Variants in ZNF804B observed in about 807,000 individuals in gnomAD.
The protein encoded by ZNF804B is zinc finger protein 804B, also known as zinc finger 804B.
Under a neutral mutation model 101.4 loss-of-function variants are expected in ZNF804B, and 80 were observed. The ratio of observed to expected loss-of-function variants is 0.79; its 90% CI spans 0.66 to 0.95. The LOEUF is 0.95. ZNF804B is among the 40% of genes least tolerant of loss of function. The pLI is 0.00. For synonymous variants in ZNF804B, 622 were observed against 558.8 expected (o/e 1.11, Z -1.59); for missense variants, 1,673 against 1,561.9 (o/e 1.07, Z -1.20).
intron 3 of ZNF804B, among the ~76,000 whole-genome samples, chr7:89,329,739 A>T (rs543486808): frequency 3.0e-4 from 45 of 151,710 alleles, no homozygotes; most frequent in African/African-American, 1.1e-3. Context: ...GTTTTAGTAC[A>T]TCTTAATATG....
At chr7:89,060,707 TA>T (rs1323884687) in intron 1 of ZNF804B, among the ~76,000 whole-genome samples, 1 of 152,146 alleles carries the variant, frequency 6.6e-6, no homozygotes, top group Non-Finnish European at 1.5e-5. Flanking sequence ...TACTGAGATA[TA>T]TATTGTACGA....
intron 1 of ZNF804B, among the ~76,000 whole-genome samples, chr7:88,786,090 G>C (rs2115671771): frequency 6.6e-6 from 1 of 152,238 alleles, no homozygotes; most frequent in Admixed American, 6.5e-5. Context: ...CAAAGTGCCT[G>C]ACACTGTTTT....
chr7:89,045,035 GC>G (rs967652450), intron 1 of ZNF804B, among the ~76,000 whole-genome samples: 38 of 152,278 alleles, frequency 2.5e-4, no homozygotes, highest in African/African-American at 7.9e-4. Flanking sequence ...GGACCTAGGG[GC>G]CCCCTGCTCT....
intron 1 of ZNF804B, among the ~76,000 whole-genome samples, chr7:89,065,022 C>T (rs556622581): frequency 6.6e-6 from 1 of 152,184 alleles, no homozygotes; most frequent in African/African-American, 2.4e-5. Context: ...TAAAATATCA[C>T]TGGAAACAGT....
At chr7:88,854,527 T>TTCCCTTCCCTTCC (rs1554340248) in intron 1 of ZNF804B, among the ~76,000 whole-genome samples, 1 of 40,076 alleles carries the variant, frequency 2.5e-5, no homozygotes, top group South Asian at 1.1e-3. Context: ...CTTTCCTTCC[T>TTCCCTTCCCTTCC]TTCCTTCCTT....
intron 1 of ZNF804B, among the ~76,000 whole-genome samples, chr7:88,995,562 C>A (rs1341642044): frequency 6.6e-6 from 1 of 151,954 alleles, no homozygotes; most frequent in Non-Finnish European, 1.5e-5. Flanking sequence ...AAATCCCAAG[C>A]ATTCTCACCT....
In ZNF804B at chr7:89,192,578, TA is replaced by T. The variant is rs766900096; in HGVS notation, c.109-25576del. On this transcript the variant is annotated intron_variant, in intron 1 of 3. Coordinates refer to ENST00000333190, the MANE Select transcript of ZNF804B (RefSeq NM_181646.5). Reference sequence around the variant, plus strand: ...TTATTGTTTTTGAAACTACCAGATGTATATTACCATTACCATTTATACTGAA... The same window carrying T: ...TTATTGTTTTTGAAACTACCAGATGTTATTACCATTACCATTTATACTGAA... Among the ~76,000 whole-genome samples, 103 of 152,126 alleles carry T rather than the reference TA, an allele frequency of 6.8e-4. 1 individual carries two copies. The highest frequency in any genetic ancestry group is 4.5e-3 in the Admixed American group (68 of 15,246).
At chr7:89,192,315 C>T (rs901693291) in intron 1 of ZNF804B, among the ~76,000 whole-genome samples, 3 of 151,896 alleles carry the variant, frequency 2.0e-5, no homozygotes, top group African/African-American at 7.3e-5. Flanking sequence ...CCTTCCACCC[C>T]TCCCTGAGTT....
chr7:89,159,767 A>T (rs1406023870), intron 1 of ZNF804B, among the ~76,000 whole-genome samples: 1 of 152,168 alleles, frequency 6.6e-6, no homozygotes, highest in Non-Finnish European at 1.5e-5. Context: ...AGAGGAAAAC[A>T]TCAAGGGTAA....
At chr7:89,223,295 A>G (rs536056376) in intron 2 of ZNF804B, among the ~76,000 whole-genome samples, 162 of 152,026 alleles carry the variant, frequency 1.1e-3, no homozygotes, top group African/African-American at 3.6e-3. Flanking sequence ...TTACTCATCA[A>G]TAGAACATCT....
At chr7:88,855,916 G>C (rs917922020) in intron 1 of ZNF804B, among the ~76,000 whole-genome samples, 10 of 152,084 alleles carry the variant, frequency 6.6e-5, no homozygotes, top group African/African-American at 2.4e-4. Flanking sequence ...GATAGTTGTA[G>C]ATATGTGGCA....
rs961297336 is a variant in ZNF804B, at chr7:89,334,721, T to G, written c.1739T>G (p.Val580Gly). 1.9e-6 allele frequency: 3 copies of G among 1,613,692 alleles called. No homozygotes were observed. Among genetic ancestry groups the G allele is most frequent in the Non-Finnish European group, 2.5e-6 (3 of 1,179,814 alleles). ...ANDLEMKNPK[V>G]PLYLNTSLKD... ...GATTTGGAAATGAAAAATCCTAAAG[T>G]GCCTCTTTACCTCAACACATCTCTA... The change falls in exon 4 of 4, where the codon GTG (valine) becomes GGG (glycine). Residue 580 changes from valine to glycine, a missense_variant. Val to Gly is a moderately radical substitution (Grantham distance 109). Transcript: ENST00000333190.
chr7:89,278,366 T>A (rs1790024292), intron 2 of ZNF804B, among the ~76,000 whole-genome samples: 1 of 151,402 alleles, frequency 6.6e-6, no homozygotes, highest in Non-Finnish European at 1.5e-5. Context: ...TAGATCCCAT[T>A]TGTCAATTTT....
intron 1 of ZNF804B, among the ~76,000 whole-genome samples, chr7:89,119,807 A>T (rs1358822839): frequency 6.6e-6 from 1 of 152,222 alleles, no homozygotes; most frequent in Non-Finnish European, 1.5e-5. Flanking sequence ...AGTTACTAAG[A>T]CATAAAAATC....
intron 1 of ZNF804B, among the ~76,000 whole-genome samples, chr7:88,971,027 A>T (rs771450628): frequency 2.6e-4 from 38 of 147,850 alleles, no homozygotes; most frequent in Non-Finnish European, 5.0e-4. Context: ...ATAAAAAAAT[A>T]AAAAAAAAAC....
At chr7:88,877,007 A>C (rs867884367) in intron 1 of ZNF804B, among the ~76,000 whole-genome samples, 2 of 75,184 alleles carry the variant, frequency 2.7e-5, no homozygotes, top group East Asian at 4.1e-4. Flanking sequence ...TGAAAAAAAA[A>C]ATATATATAT....
chr7:88,968,214 G>C (rs1186964108), intron 1 of ZNF804B, among the ~76,000 whole-genome samples: 1 of 151,468 alleles, frequency 6.6e-6, no homozygotes, highest in Non-Finnish European at 1.5e-5. Context: ...TAAGTTGTTA[G>C]GGACCTTATG....
At chr7:89,204,958 A>AT (rs1788694213) in intron 1 of ZNF804B, among the ~76,000 whole-genome samples, 1 of 152,160 alleles carries the variant, frequency 6.6e-6, no homozygotes, top group South Asian at 2.1e-4. Flanking sequence ...AGACTGGATG[A>AT]TTTATAAAGG....
chr7:89,111,475 C>G (rs562855060), intron 1 of ZNF804B, among the ~76,000 whole-genome samples: 2 of 152,252 alleles, frequency 1.3e-5, no homozygotes, highest in African/African-American at 4.8e-5. Flanking sequence ...TCTGTAATGA[C>G]AGATAACGTT....
Sources: allele counts gnomAD v4.1 joint callset (sites outside exome capture counted in the v4.1 genomes callset), GRCh38; gene constraint gnomAD v4.1.1; transcripts MANE v1.5; gene names NCBI Gene and HGNC (gene_info 2026-07-23, HGNC 2026-07-21).